Variants in CASR observed in about 807,000 individuals in gnomAD.
CASR encodes the protein calcium sensing receptor.
CASR carries 23 observed loss-of-function variants against 69.1 expected under a neutral mutation model. The ratio of observed to expected loss-of-function variants is 0.33; its 90% CI spans 0.24 to 0.47. CASR has a LOEUF of 0.47. Ranked by LOEUF, CASR falls within the 20% of genes least tolerant of loss-of-function variation. The probability of loss-of-function intolerance (pLI) is 1.00; values close to 1 mark genes in which losing one functional copy is unlikely to be tolerated. For missense variants in CASR, 924 were observed against 1,356.1 expected, an observed-to-expected ratio of 0.68 and a Z score of 5.00; for synonymous variants, 541 against 544.7, an observed-to-expected ratio of 0.99 and a Z score of 0.10.
In CASR at chr3:122,283,982, G is replaced by A. The variant is rs563112343; in HGVS notation, c.2028G>A (p.Thr676=). The A allele has an allele frequency of 1.8e-5, 29 of 1,613,586 alleles. No individual in the cohort carries two copies. In the East Asian group the frequency reaches 3.3e-4, roughly 19 times the overall value. ...LFFIGEPQDW[T]CRLRQPAFGI... ...TCATCGGGGAGCCCCAGGACTGGACGTGCCGCCTGCGCCAGCCGGCCTTTG... is the reference window on the plus strand; with the variant it reads ...TCATCGGGGAGCCCCAGGACTGGACATGCCGCCTGCGCCAGCCGGCCTTTG... The change falls in exon 7 of 7, where the codon ACG becomes ACA. Residue 676 remains threonine, a synonymous_variant. Coordinates refer to ENST00000639785, the MANE Select transcript of CASR (RefSeq NM_000388.4).
chr3:122,225,915 C>A (rs897814390), intron 1 of CASR, among the ~76,000 whole-genome samples: 7 of 152,282 alleles, frequency 4.6e-5, no homozygotes, highest in Admixed American at 2.6e-4. Flanking sequence ...AAAATCATAT[C>A]CTTTGCAGCA....
At chr3:122,273,350 A>G (rs543789877) in intron 4 of CASR, among the ~76,000 whole-genome samples, 3 of 152,328 alleles carry the variant, frequency 2.0e-5, no homozygotes, top group African/African-American at 7.2e-5. Flanking sequence ...CCTCCGTTTC[A>G]TCATCTAGAA....
At chr3:122,213,075 G>A (rs186668600) in intron 1 of CASR, among the ~76,000 whole-genome samples, 35 of 152,320 alleles carry the variant, frequency 2.3e-4, no homozygotes, top group Admixed American at 8.5e-4. Flanking sequence ...TAGAATTGCA[G>A]ATTCTTCTAG....
chr3:122,266,101 A>G (rs1443080648), intron 4 of CASR, among the ~76,000 whole-genome samples: 2 of 152,094 alleles, frequency 1.3e-5, no homozygotes, highest in Admixed American at 6.5e-5. Context: ...AAGAGCTGGA[A>G]GTCCTAGACC....
In CASR at chr3:122,197,196, G is replaced by A. The variant is rs549839457; in HGVS notation, c.-243+13384G>A. On this transcript the variant is annotated intron_variant, in intron 1 of 6. Coordinates refer to ENST00000639785, the MANE Select transcript of CASR (RefSeq NM_000388.4). ...TTTGCCCACCAACCTGGTGGGCTGA[G>A]CTTGGGAGCTAATCATTTGGCCTGG... Among the ~76,000 whole-genome samples, 118 of 152,286 alleles carry A rather than the reference G, an allele frequency of 7.7e-4. 2 individuals carry two copies. The highest frequency in any genetic ancestry group is 1.5e-3 in the Non-Finnish European group (104 of 68,030).
At position 122,196,531 on chromosome 3, in the gene CASR, G is replaced by GTTTGT. The variant is rs549490817; in HGVS notation, c.-243+12738_-243+12742dup. ...GGTTTTTGGGGTTTTTTGTTTGTTT[G>GTTTGT]TTTGTTTTGTTTTGTTTTGTTTTTG... On this transcript the variant is annotated intron_variant, in intron 1 of 6. Coordinates refer to ENST00000639785, the MANE Select transcript of CASR (RefSeq NM_000388.4). Among the ~76,000 whole-genome samples the GTTTGT allele has an allele frequency of 1.9e-3, 291 of 151,002 alleles. 3 individuals are homozygous for GTTTGT. The highest frequency in any genetic ancestry group is 0.018 in the South Asian group (87 of 4,750).
intron 1 of CASR, among the ~76,000 whole-genome samples, chr3:122,237,175 T>A (rs2074336722): frequency 6.6e-6 from 1 of 150,782 alleles, no homozygotes; most frequent in African/African-American, 2.4e-5. Context: ...AGTGGTGTGA[T>A]CTTGGCTCAC....
rs933291696 is a variant in CASR at position 122,261,614 on chromosome 3, G to A, written c.579G>A (p.Gln193=). 1.1e-5 allele frequency: 17 copies of A among 1,614,050 alleles called. No homozygotes were observed. The highest frequency in any genetic ancestry group is 1.4e-5 in the Non-Finnish European group (16 of 1,180,006). The change falls in exon 4 of 7, where the codon CAG becomes CAA. Residue 193 remains glutamine (Q), a synonymous_variant. Transcript: ENST00000639785. ...FLRTIPNDEH[Q]ATAMADIIEY... ...GAACCATCCCCAATGATGAGCACCAGGCCACTGCCATGGCAGACATCATCG... is the reference window on the plus strand; with the variant it reads ...GAACCATCCCCAATGATGAGCACCAAGCCACTGCCATGGCAGACATCATCG...
At chr3:122,205,622 T>C (rs1055297429) in intron 1 of CASR, among the ~76,000 whole-genome samples, 3 of 152,138 alleles carry the variant, frequency 2.0e-5, no homozygotes, top group Non-Finnish European at 4.4e-5. Context: ...GGTCCTTTGA[T>C]AGGGATTGCA....
chr3:122,289,294 G>A lies in CASR; in HGVS notation c.*4103G>A, dbSNP rs1291359362. 1.3e-5 allele frequency: 2 copies of A among 152,208 alleles called. No homozygotes were observed. The highest frequency in any genetic ancestry group is 4.8e-5 in the African/African-American group (2 of 41,434). The allele number at this position is 152,208 out of a possible 1,614,324, so 9.4% of individuals were successfully genotyped here. A position where few individuals can be genotyped will look rare whatever the true frequency, so the allele number is the denominator to read the frequency against. On this transcript the variant is annotated 3_prime_UTR_variant, in exon 7 of 7. Coordinates refer to ENST00000639785, the MANE Select transcript of CASR (RefSeq NM_000388.4). ...GGAGACAAGAATACTCCCAAAGGTG[G>A]GTGGAATTAGGGTAGGTGGGAGGAA...
At chr3:122,281,548 C>A (rs1237447841) in intron 5 of CASR, among the ~76,000 whole-genome samples, 1 of 152,018 alleles carries the variant, frequency 6.6e-6, no homozygotes. Context: ...ATATTTCTTC[C>A]CACTCCTTTT....
intron 1 of CASR, among the ~76,000 whole-genome samples, chr3:122,228,475 A>G (rs916982983): frequency 1.1e-4 from 17 of 152,224 alleles, no homozygotes; most frequent in Admixed American, 1.0e-3. Flanking sequence ...TTTATTTCCT[A>G]TTAGAAGTAG....
intron 1 of CASR, among the ~76,000 whole-genome samples, chr3:122,227,577 G>A (rs777949442): frequency 3.9e-5 from 6 of 152,224 alleles, no homozygotes; most frequent in Non-Finnish European, 8.8e-5. Flanking sequence ...CTCCCTGCGA[G>A]CTGAGCGAAC....
chr3:122,282,899 C>T lies in CASR; in HGVS notation c.1732+663C>T, dbSNP rs34371877. ...AGGTTAAGAAGCTTGATCAAAGTCA[C>T]ATCACTAGTAAGTTGTATGGCCAGG... On this transcript the variant is annotated intron_variant, in intron 6 of 6. Coordinates refer to ENST00000639785, the MANE Select transcript of CASR (RefSeq NM_000388.4). 7.1e-3 allele frequency among the ~76,000 whole-genome samples: 1,080 copies of T among 152,342 alleles called. 7 individuals carry two copies. Among genetic ancestry groups the T allele is most frequent in the Non-Finnish European group, 0.012 (837 of 68,036 alleles).
At chr3:122,211,171 G>A (rs1218389985) in intron 1 of CASR, among the ~76,000 whole-genome samples, 1 of 152,126 alleles carries the variant, frequency 6.6e-6, no homozygotes, top group Non-Finnish European at 1.5e-5. Context: ...TCAGGACATA[G>A]GCACGGGCAA....
intron 1 of CASR, among the ~76,000 whole-genome samples, chr3:122,251,995 G>A (rs1414515002): frequency 6.6e-6 from 1 of 152,122 alleles, no homozygotes; most frequent in African/African-American, 2.4e-5. Context: ...AGAAATCCAG[G>A]TTAAAAATGA....
intron 1 of CASR, among the ~76,000 whole-genome samples, chr3:122,241,176 T>G (rs1168130138): frequency 6.6e-6 from 1 of 150,916 alleles, no homozygotes; most frequent in East Asian, 1.9e-4. Flanking sequence ...AAAGAAATAA[T>G]AAAGATCAGA....
At chr3:122,279,719 CAA>C (rs2074865023) in intron 5 of CASR, among the ~76,000 whole-genome samples, 2 of 152,062 alleles carry the variant, frequency 1.3e-5, no homozygotes, top group South Asian at 4.1e-4. Context: ...AGGTTAAAAA[CAA>C]AAATTTCATT....
At chr3:122,189,274 A>G (rs1367640029) in intron 1 of CASR, among the ~76,000 whole-genome samples, 2 of 152,180 alleles carry the variant, frequency 1.3e-5, no homozygotes, top group Non-Finnish European at 2.9e-5. Context: ...CTGTGAAGCT[A>G]AGGTAATGTC....
Sources: allele counts gnomAD v4.1 joint callset (sites outside exome capture counted in the v4.1 genomes callset), GRCh38; gene constraint gnomAD v4.1.1; transcripts MANE v1.5; gene names NCBI Gene and HGNC (gene_info 2026-07-23, HGNC 2026-07-21).